SCN1A: variants seen among roughly 807,000 people sequenced by gnomAD.
SCN1A encodes the protein sodium voltage-gated channel alpha subunit 1, also known as sodium channel protein type 1 subunit alpha.
SCN1A carries 13 observed loss-of-function variants against 193.7 expected under a neutral mutation model. The ratio of observed to expected loss-of-function variants is 0.07; its 90% confidence interval spans 0.04 to 0.11. SCN1A has a LOEUF of 0.11. Among genes scored for constraint, SCN1A ranks in the 10% least tolerant of loss-of-function variants. The pLI, the probability that SCN1A is intolerant of heterozygous loss-of-function variation, is 1.00. For synonymous variants in SCN1A, 781 were observed against 843.6 expected (o/e 0.93, Z 1.29); for missense variants, 1,432 against 2,451.1 (o/e 0.58, Z 8.78).
At chr2:166,061,949 G>T (rs578036775) in intron 4 of SCN1A, among the ~76,000 whole-genome samples, 1 of 152,250 alleles carries the variant, frequency 6.6e-6, no homozygotes, top group South Asian at 2.1e-4. Flanking sequence ...TTTAAAGAAT[G>T]TGTAGAAGAT....
chr2:165,989,462 A>T lies in SCN1A; in HGVS notation c.*1783T>A, dbSNP rs1688854416. On this transcript the variant is annotated 3_prime_UTR_variant, in exon 29 of 29. Transcript: ENST00000674923. ...TGAAAACATAAACCGAAGTCAGAAA[A>T]AAAGAACAAAAATAACATAAGCACT... The T allele has an allele frequency of 6.6e-6, 1 of 152,266 alleles. No homozygotes were observed. Among genetic ancestry groups the T allele is most frequent in the Non-Finnish European group, 1.5e-5 (1 of 68,020 alleles). The allele number at this position is 152,266 out of a possible 1,614,324, so 9.4% of individuals were successfully genotyped here. A position where few individuals can be genotyped will look rare whatever the true frequency, so the allele number is the denominator to read the frequency against.
chr2:166,042,550 T>C lies in SCN1A; in HGVS notation c.2044-126A>G. ...ATGCACTTTCATATTCAATTGGTGA[T>C]GGCAGATATTTCTGACTTATTGTAT... On this transcript the variant is annotated intron_variant, in intron 14 of 28. Coordinates refer to ENST00000674923, the MANE Select transcript of SCN1A (RefSeq NM_001165963.4). 2 of 847,348 alleles carry C rather than the reference T, an allele frequency of 2.4e-6. 1 individual carries two copies. Among genetic ancestry groups the C allele is most frequent in the South Asian group, 2.9e-5 (2 of 69,458 alleles). 52.5% of individuals were successfully genotyped at this position (847,348 alleles called of 1,614,324 possible).
intron 13 of SCN1A, among the ~76,000 whole-genome samples, chr2:166,044,739 A>G (rs563881947): frequency 6.6e-6 from 1 of 152,062 alleles, no homozygotes; most frequent in African/African-American, 2.4e-5. Context: ...TTTTCTTAAA[A>G]GTGCTGAGGA....
chr2:166,137,157 T>G (rs1691895824), intron 1 of SCN1A, among the ~76,000 whole-genome samples: 1 of 152,188 alleles, frequency 6.6e-6, no homozygotes, highest in African/African-American at 2.4e-5. Flanking sequence ...GGTTGGCAGT[T>G]GTGAAGGGCT....
At chr2:166,145,332 C>T (rs34683207) in intron 1 of SCN1A, among the ~76,000 whole-genome samples, 11,456 of 151,944 alleles carry the variant, frequency 0.075, 550 homozygotes, top group Middle Eastern at 0.21. Flanking sequence ...CCACCACTCC[C>T]GGCAGGGATC....
intron 2 of SCN1A, among the ~76,000 whole-genome samples, chr2:166,118,825 G>T (rs1336282365): frequency 6.6e-6 from 1 of 152,074 alleles, no homozygotes; most frequent in Non-Finnish European, 1.5e-5. Flanking sequence ...CTGAGATCCG[G>T]TTTCTCATCT....
chr2:166,078,507 AT>A (rs1206032812), intron 2 of SCN1A, among the ~76,000 whole-genome samples: 2 of 151,528 alleles, frequency 1.3e-5, no homozygotes, highest in Non-Finnish European at 3.0e-5. Flanking sequence ...GGGAAACTCT[AT>A]ATTTTTGGCT....
chr2:166,042,183 G>T, intron 15 of SCN1A, 109 bp downstream of exon 15: 1 of 1,070,484 alleles, frequency 9.3e-7, no homozygotes, highest in Non-Finnish European at 1.4e-6. Context: ...GAATTAGACT[G>T]TCTTTTCATT....
rs574475155 is a variant in SCN1A at position 166,117,254 on chromosome 2, CA to C, written c.-142+9669del. 3.1e-3 allele frequency among the ~76,000 whole-genome samples: 467 copies of C among 152,304 alleles called. 4 individuals carry two copies. The highest frequency in any genetic ancestry group is 0.011 in the African/African-American group (448 of 41,566). On this transcript the variant is annotated intron_variant, in intron 2 of 28. Transcript: ENST00000674923. ...TTAGCTTGCAACTCAAACAACTACACAAGTGCTTTACCTTAAGACAACCAGC... is the reference window on the plus strand; with the variant it reads ...TTAGCTTGCAACTCAAACAACTACACAGTGCTTTACCTTAAGACAACCAGC...
chr2:166,144,597 A>G (rs1692228435), intron 1 of SCN1A, among the ~76,000 whole-genome samples: 1 of 152,212 alleles, frequency 6.6e-6, no homozygotes, highest in Non-Finnish European at 1.5e-5. Context: ...TAGGAATAAA[A>G]CAAAGCACTG....
At chr2:166,123,341 G>A (rs1441269838) in intron 2 of SCN1A, among the ~76,000 whole-genome samples, 41 of 150,826 alleles carry the variant, frequency 2.7e-4, no homozygotes, top group Admixed American at 6.7e-5. Flanking sequence ...CATGCTTAGT[G>A]TCTCTTTCTT....
chr2:166,113,721 G>A (rs1245299415), intron 2 of SCN1A, among the ~76,000 whole-genome samples: 1 of 152,116 alleles, frequency 6.6e-6, no homozygotes, highest in Non-Finnish European at 1.5e-5. Flanking sequence ...GACTTGGAAG[G>A]GTAGTAGGTG....
At chr2:166,089,063 G>A (rs962355829) in intron 2 of SCN1A, among the ~76,000 whole-genome samples, 1 of 152,156 alleles carries the variant, frequency 6.6e-6, no homozygotes, top group African/African-American at 2.4e-5. Flanking sequence ...TACACGTGCA[G>A]AACTTGCAGG....
At position 166,144,066 on chromosome 2, in the gene SCN1A, G is replaced by C. The variant is rs564249349; in HGVS notation, c.-50+4981C>G. On this transcript the variant is annotated intron_variant, in intron 1 of 26. Coordinates refer to the SCN1A transcript ENST00000635750. ...AAGAAAGTAGCATTAGCAGTTCCGA[G>C]TTGCAGACAGTTCTTTTTAAAATTT... Among the ~76,000 whole-genome samples the C allele has an allele frequency of 4.6e-5, 7 of 152,320 alleles. No individual in the cohort carries two copies. The East Asian group carries it at 7.7e-4, about 17-fold the overall frequency.
intron 28 of SCN1A, chr2:165,993,909 A>G (rs1689636221): frequency 5.3e-6 from 3 of 566,102 alleles, no homozygotes; most frequent in Non-Finnish European, 9.4e-6. Flanking sequence ...TCTAGTTCAA[A>G]TGAATGAGGT....
In SCN1A at chr2:166,041,452, G is replaced by T; in HGVS notation, c.2194C>A (p.Gln732Lys). The T allele has an allele frequency of 6.3e-7, 1 of 1,595,506 alleles. No homozygotes were observed. The highest frequency in any genetic ancestry group is 8.6e-7 in the Non-Finnish European group (1 of 1,168,336). The change falls in exon 16 of 29, where the codon CAG (glutamine) becomes AAG (lysine). Residue 732 changes from glutamine (Q) to lysine (K), a missense_variant. By Grantham distance (53) the Gln-to-Lys change is moderately conservative. Transcript: ENST00000674923. ...TTATACCAACAGGGTGGGCATTTCT[G>T]CCTGGATTCTTCAAGTTCTAGATTA... ...NTVEELEESR[Q>K]KCPPCWYKFS... is the part of the protein sequence containing the mutation.
intron 1 of SCN1A, among the ~76,000 whole-genome samples, chr2:166,137,385 A>G (rs1043951324): frequency 2.6e-5 from 4 of 152,158 alleles, no homozygotes; most frequent in African/African-American, 9.7e-5. Context: ...CTCAAATCTC[A>G]TCTTGAATTG....
At chr2:166,120,852 G>A (rs1490665966) in intron 2 of SCN1A, among the ~76,000 whole-genome samples, 1 of 151,734 alleles carries the variant, frequency 6.6e-6, no homozygotes, top group Admixed American at 6.6e-5. Context: ...CTGACCTCAG[G>A]TGATCTGCCC....
chr2:166,047,107 CTTT>C (rs202157655), intron 11 of SCN1A, 131 bp from the exon 12 acceptor site: 5 of 973,358 alleles, frequency 5.1e-6, no homozygotes, highest in South Asian at 4.8e-5. Context: ...GCACCCTGTA[CTTT>C]TTTTTTATTG....
Sources: allele counts gnomAD v4.1 joint callset (sites outside exome capture counted in the v4.1 genomes callset), GRCh38; gene constraint gnomAD v4.1.1; transcripts MANE v1.5; gene names NCBI Gene and HGNC (gene_info 2026-07-23, HGNC 2026-07-21).